TRPM4: variants seen among roughly 807,000 people sequenced by gnomAD.
TRPM4 encodes transient receptor potential cation channel subfamily M member 4.
In TRPM4, 124 loss-of-function variants were observed where a neutral mutation model predicts 135.6. The observed-to-expected ratio is 0.91, with a 90% confidence interval of 0.79 to 1.06. The LOEUF is 1.06. TRPM4 is among the 50% of genes least tolerant of loss of function. The pLI, the probability that TRPM4 is intolerant of heterozygous loss-of-function variation, is 0.00. For missense variants in TRPM4, 1,658 were observed against 1,671.4 expected (o/e 0.99, Z 0.14); for synonymous variants, 745 against 705.6 (o/e 1.06, Z -0.88).
At chr19:49,207,365 T>C (rs918513267) in intron 20 of TRPM4, among the ~76,000 whole-genome samples, 1 of 151,862 alleles carries the variant, frequency 6.6e-6, no homozygotes, top group African/African-American at 2.4e-5. Flanking sequence ...CATGGTGGCT[T>C]GTGCCTGCAA....
At chr19:49,189,862 CTG>C (rs769475375) in intron 14 of TRPM4, among the ~76,000 whole-genome samples, 5 of 152,254 alleles carry the variant, frequency 3.3e-5, no homozygotes, top group Admixed American at 6.5e-5. Context: ...CACATACAAA[CTG>C]TGTTTCTTTG....
At chr19:49,175,013 C>T (rs1967621900) in intron 9 of TRPM4, among the ~76,000 whole-genome samples, 1 of 149,640 alleles carries the variant, frequency 6.7e-6, no homozygotes. Context: ...AAGAGATCCT[C>T]TCACCTCAGC....
chr19:49,210,262 G>GT lies in TRPM4; in HGVS notation c.3187dup (p.Tyr1063LeufsTer53). 1 of 1,614,222 alleles carries GT rather than the reference G, an allele frequency of 6.2e-7. No homozygotes were observed. The highest frequency in any genetic ancestry group is 2.2e-5 in the East Asian group (1 of 44,882). ...AGCGATCTCTACTGGAAGGCGCAGCGTTACCGCCTCATCCGGGAATTCCAC... is the reference window on the plus strand; with the variant it reads ...AGCGATCTCTACTGGAAGGCGCAGCGTTTACCGCCTCATCCGGGAATTCCAC... On this transcript the variant is annotated frameshift_variant, in exon 21 of 25. Coordinates refer to ENST00000252826, the MANE Select transcript of TRPM4 (RefSeq NM_017636.4). LOFTEE classifies it high-confidence loss of function. This position sits in a 1 kb window ranked among gnomAD's most constrained non-coding sequence, Gnocchi z 4.1.
At chr19:49,158,053 G>A in intron 1 of TRPM4, 139 bp from the exon 2 acceptor site, 1 of 1,264,900 alleles carries the variant, frequency 7.9e-7, no homozygotes. Context: ...AGACTCCTGA[G>A]TCTGGAGCGG....
chr19:49,161,198 G>A (rs2122745337), intron 2 of TRPM4, among the ~76,000 whole-genome samples: 1 of 152,154 alleles, frequency 6.6e-6, no homozygotes, highest in South Asian at 2.1e-4. Flanking sequence ...AGACGTCACA[G>A]GGAAAACAAC....
chr19:49,200,732 T>A lies in TRPM4; in HGVS notation c.2900T>A (p.Phe967Tyr). 6.2e-7 allele frequency: 1 copy of A among 1,614,092 alleles called. No homozygotes were observed. The highest frequency in any genetic ancestry group is 1.1e-5 in the South Asian group (1 of 91,080). ...SDFPSILRRVFYRPYLQIFGQ... is the reference protein window; with the variant it reads ...SDFPSILRRVYYRPYLQIFGQ... ...TTCCCAAGTATCCTGCGCCGCGTCTTCTACCGTCCCTACCTGCAGATCTTC... is the reference window on the plus strand; with the variant it reads ...TTCCCAAGTATCCTGCGCCGCGTCTACTACCGTCCCTACCTGCAGATCTTC... The change falls in exon 19 of 25, where the codon TTC (phenylalanine) becomes TAC (tyrosine). Residue 967 changes from phenylalanine to tyrosine, a missense_variant. Physicochemically the swap from Phe to Tyr is conservative, Grantham distance 22. Transcript: ENST00000252826.
rs757698619 is a variant in TRPM4 at position 49,190,728 on chromosome 19, T to C, written c.2165T>C (p.Leu722Pro). 3 of 1,614,050 alleles carry C rather than the reference T, an allele frequency of 1.9e-6. No individual in the cohort carries two copies. The highest frequency in any genetic ancestry group is 2.2e-5 in the East Asian group (1 of 44,868). ...KSEEEPTREE[L>P]EFDMDSVING... The stretch of plus-strand genomic sequence containing the variant: ...GAAGAGGAGCCCACACGGGAGGAGC[T>C]AGAGTTTGACATGGATAGTGTCATT... Residue 722 changes from leucine (L) to proline (P), a missense_variant, in exon 16 of 25, where the codon CTA becomes CCA. By Grantham distance (98) the Leu-to-Pro change is moderately conservative. Around this residue, in one of 3 missense-constraint regions of TRPM4, gnomAD observed 1,412 missense variants for 1,408.7 expected, o/e 1.00. Transcript: ENST00000252826.
intron 20 of TRPM4, among the ~76,000 whole-genome samples, chr19:49,206,304 G>A (rs1239784057): frequency 6.6e-6 from 1 of 152,212 alleles, no homozygotes; most frequent in Admixed American, 6.5e-5. Context: ...TTTGACATTG[G>A]AAGTATGAGT....
At chr19:49,187,147 A>G (rs2122972512) in intron 12 of TRPM4, among the ~76,000 whole-genome samples, 1 of 151,010 alleles carries the variant, frequency 6.6e-6, no homozygotes, top group African/African-American at 2.4e-5. Context: ...AAAATGTCAC[A>G]GTACCCTCTT....
Position 49,206,239 on chromosome 19 carries a change from G to A in TRPM4, c.3132-3970G>A, listed in dbSNP as rs189156430. On this transcript the variant is annotated intron_variant, in intron 20 of 24. Coordinates refer to ENST00000252826, the MANE Select transcript of TRPM4 (RefSeq NM_017636.4). ...TTTCCAAGGTGCTGGGATTACAGGC[G>A]TGAGCCACCATGTCTAGCCCACACA... Among the ~76,000 whole-genome samples the A allele has an allele frequency of 1.2e-4, 19 of 152,180 alleles. No individual in the cohort carries two copies. The East Asian group carries it at 1.6e-3, about 12-fold the overall frequency.
chr19:49,181,367 C>G lies in TRPM4; in HGVS notation c.1169C>G (p.Ala390Gly), dbSNP rs760531721. The G allele has an allele frequency of 1.9e-5, 31 of 1,613,824 alleles. No individual in the cohort carries two copies. The highest frequency in any genetic ancestry group is 2.6e-5 in the Non-Finnish European group (31 of 1,179,886). ...ALVKACGSSE[A>G]SAYLDELRLA... is the part of the protein sequence containing the mutation. ...CTTCCAGCCTGTGGGAGCTCGGAGG[C>G]CTCAGCCTACCTGGATGAGCTGCGT... Residue 390 changes from alanine to glycine, a missense_variant, in exon 10 of 25, where the codon GCC becomes GGC. Coordinates refer to ENST00000252826, the MANE Select transcript of TRPM4 (RefSeq NM_017636.4).
At chr19:49,159,028 T>G (rs1158520055) in intron 2 of TRPM4, 5 of 19,278 alleles carry the variant, frequency 2.6e-4, no homozygotes, top group East Asian at 1.9e-3. Flanking sequence ...TTTCTAGTTT[T>G]TTTTTTTTTT....
chr19:49,211,518 A>G lies in TRPM4; in HGVS notation c.*20A>G, dbSNP rs957606446. On this transcript the variant is annotated 3_prime_UTR_variant, in exon 25 of 25. Coordinates refer to ENST00000252826, the MANE Select transcript of TRPM4 (RefSeq NM_017636.4). The surrounding 1 kb of genome is among the most constrained non-coding windows in gnomAD (Gnocchi z 4.8). ...GACTGAGCCCTGCTGGCGGACTTCA[A>G]GGAGAAGCCCCCACAGGGGATTTTG... 3.7e-6 allele frequency: 6 copies of G among 1,613,942 alleles called. No homozygotes were observed. The highest frequency in any genetic ancestry group is 1.1e-5 in the South Asian group (1 of 91,080).
intron 9 of TRPM4, among the ~76,000 whole-genome samples, chr19:49,175,713 T>G (rs1600434347): frequency 6.7e-6 from 1 of 150,156 alleles, no homozygotes; most frequent in Admixed American, 6.7e-5. Context: ...CAGGCTGGAG[T>G]GCAGTGGCGC....
In TRPM4 at chr19:49,168,689, G is replaced by A. The variant is rs778711356; in HGVS notation, c.749G>A (p.Arg250His). The A allele has an allele frequency of 3.0e-5, 48 of 1,609,536 alleles. No individual in the cohort carries two copies. The highest frequency in any genetic ancestry group is 1.6e-4 in the Middle Eastern group (1 of 6,082). ...HGCLGGENRF[R>H]LRLESYISQQ... is the part of the protein sequence containing the mutation. ...TGCCTGGGGGGCGAGAACCGCTTCC[G>A]CTTGCGCCTGGAGTCCTACATCTCA... Residue 250 changes from arginine to histidine, a missense_variant, in exon 6 of 25, where the codon CGC (arginine) becomes CAC (histidine). Arg to His is a conservative substitution (Grantham distance 29, BLOSUM62 0). Coordinates refer to ENST00000252826, the MANE Select transcript of TRPM4 (RefSeq NM_017636.4).
chr19:49,188,983 G>A lies in TRPM4; in HGVS notation c.1911G>A (p.Arg637=), dbSNP rs1968307448. Residue 637 remains arginine (R), a synonymous_variant, in exon 14 of 25, where the codon AGG becomes AGA. Transcript: ENST00000252826. ...FGECYRSSEV[R]AARLLLRRCP... ...AGTGCTATCGCAGCAGTGAGGTGAG[G>A]GCTGCCCGCCTCCTCCTCCGTCGCT... is the stretch of plus-strand genomic sequence containing the variant. The A allele has an allele frequency of 1.2e-6, 2 of 1,614,154 alleles. No individual in the cohort carries two copies. Among genetic ancestry groups the A allele is most frequent in the Non-Finnish European group, 1.7e-6 (2 of 1,180,036 alleles).
At chr19:49,183,746 T>C (rs1968090257) in intron 12 of TRPM4, among the ~76,000 whole-genome samples, 1 of 146,734 alleles carries the variant, frequency 6.8e-6, no homozygotes, top group Admixed American at 6.8e-5. Flanking sequence ...TATCTCAGTG[T>C]GGATCTCTGT....
chr19:49,189,232 TC>T, intron 14 of TRPM4, 141 bp downstream of exon 14: 1 of 1,293,446 alleles, frequency 7.7e-7, no homozygotes, highest in Non-Finnish European at 1.1e-6. Context: ...CTCTCTTCTC[TC>T]TCAGAAAGGC....
intron 1 of TRPM4, 98 bp from the exon 2 acceptor site, chr19:49,158,094 C>T (rs1287669115): frequency 1.5e-6 from 2 of 1,365,952 alleles, no homozygotes; most frequent in East Asian, 2.3e-5. Context: ...CTCCTGTGTC[C>T]GTGGGGAGCG....
Sources: allele counts gnomAD v4.1 joint callset (sites outside exome capture counted in the v4.1 genomes callset), GRCh38; gene constraint gnomAD v4.1.1; regional missense constraint gnomAD v4.1.1; non-coding constraint Gnocchi (gnomAD v3.1); transcripts MANE v1.5; gene names NCBI Gene and HGNC (gene_info 2026-07-23, HGNC 2026-07-21).